The following CSMD1 variants were observed in gnomAD, a reference collection of about 807,000 sequenced individuals.
CSMD1 encodes CUB and sushi domain-containing protein 1.
In CSMD1, 213 loss-of-function variants were observed where a neutral mutation model predicts 417.5. That is an observed-to-expected ratio of 0.51 (90% CI 0.46 to 0.57). CSMD1 has a LOEUF of 0.57. Among genes scored for constraint, CSMD1 ranks in the 20% least tolerant of loss-of-function variants. CSMD1 has a pLI of 0.00. For missense variants in CSMD1, 6,923 were observed against 4,529.7 expected (o/e 1.53, Z -15.17); for synonymous variants, 2,862 against 1,736.8 (o/e 1.65, Z -16.11).
At chr8:3,969,212 T>G (rs1173404588) in intron 5 of CSMD1, among the ~76,000 whole-genome samples, 1 of 152,160 alleles carries the variant, frequency 6.6e-6, no homozygotes, top group Non-Finnish European at 1.5e-5. Context: ...ATCGTGACAC[T>G]GCACTCCAGC....
At chr8:4,973,998 G>C (rs1810399145) in intron 1 of CSMD1, among the ~76,000 whole-genome samples, 1 of 152,044 alleles carries the variant, frequency 6.6e-6, no homozygotes, top group South Asian at 2.1e-4. Context: ...GAAAGTTTTA[G>C]ATTAGCCTCT....
chr8:4,745,537 T>A (rs944902865), intron 1 of CSMD1, among the ~76,000 whole-genome samples: 19 of 152,218 alleles, frequency 1.2e-4, no homozygotes, highest in African/African-American at 4.6e-4. Context: ...GGCTTTTGTT[T>A]GTTCATCTGA....
intron 4 of CSMD1, among the ~76,000 whole-genome samples, chr8:4,021,760 C>G (rs1390914119): frequency 6.6e-6 from 1 of 152,100 alleles, no homozygotes; most frequent in African/African-American, 2.4e-5. Flanking sequence ...CCCCAATAAT[C>G]TTTATCTTGA....
At chr8:3,573,437 C>A (rs1800023456) in intron 10 of CSMD1, among the ~76,000 whole-genome samples, 1 of 152,142 alleles carries the variant, frequency 6.6e-6, no homozygotes, top group Admixed American at 6.6e-5. Flanking sequence ...CTGAGAAATA[C>A]CAGAATCAAA....
rs993967128 is a variant in CSMD1 at position 4,848,491 on chromosome 8, G to C, written c.85+145841C>G. On this transcript the variant is annotated intron_variant, in intron 1 of 69. Transcript: ENST00000635120. Reference sequence around the variant, plus strand: ...ATGTTGGTGCAAACAAATCTATCGTGCTGCCAGTCATTAAAAGTCTAGCAC... The same window carrying C: ...ATGTTGGTGCAAACAAATCTATCGTCCTGCCAGTCATTAAAAGTCTAGCAC... Among the ~76,000 whole-genome samples, 8 of 152,112 alleles carry C rather than the reference G, an allele frequency of 5.3e-5. No homozygotes were observed. In the East Asian group the frequency reaches 1.5e-3, roughly 29 times the overall value.
chr8:4,639,568 A>C (rs1034368203), intron 1 of CSMD1, among the ~76,000 whole-genome samples: 1 of 152,192 alleles, frequency 6.6e-6, no homozygotes, highest in Non-Finnish European at 1.5e-5. Context: ...CTTTAAATGT[A>C]TTTAAATGTT....
chr8:4,801,935 C>A (rs1041916513), intron 1 of CSMD1, among the ~76,000 whole-genome samples: 2 of 152,164 alleles, frequency 1.3e-5, no homozygotes, highest in Admixed American at 6.5e-5. Context: ...TTCAAGGTAA[C>A]TGGTACATTT....
In CSMD1 at chr8:3,219,443, C is replaced by G; in HGVS notation, c.4485-1G>C. On this transcript the variant is annotated splice_acceptor_variant, in intron 28 of 69. Coordinates refer to ENST00000635120, the MANE Select transcript of CSMD1 (RefSeq NM_033225.6). LOFTEE classifies it high-confidence loss of function. The stretch of plus-strand genomic sequence containing the variant: ...GTCATAGCTGGGCTCCATGTTGAAA[C>G]TAAAGAAAAGAATAGTAATTATGTC... 1 of 1,470,326 alleles carries G rather than the reference C, an allele frequency of 6.8e-7. No individual in the cohort carries two copies. Among genetic ancestry groups the G allele is most frequent in the Non-Finnish European group, 9.0e-7 (1 of 1,109,692 alleles). The allele number at this position is 1,470,326 out of a possible 1,614,324, so 91.1% of individuals were successfully genotyped here.
chr8:3,788,282 A>C (rs2129066244), intron 5 of CSMD1, among the ~76,000 whole-genome samples: 1 of 152,276 alleles, frequency 6.6e-6, no homozygotes, highest in African/African-American at 2.4e-5. Flanking sequence ...TTCTTAAGGA[A>C]CTTTTTCATA....
chr8:3,836,024 G>A (rs575255266), intron 5 of CSMD1, among the ~76,000 whole-genome samples: 2 of 151,916 alleles, frequency 1.3e-5, no homozygotes, highest in East Asian at 3.9e-4. Flanking sequence ...CTCATTTTCT[G>A]TTTCATTAGC....
intron 30 of CSMD1, among the ~76,000 whole-genome samples, chr8:3,206,555 C>G (rs1585653415): frequency 1.8e-5 from 1 of 55,946 alleles, no homozygotes; most frequent in East Asian, 4.8e-4. Flanking sequence ...GAGGTTATGT[C>G]TGTGTGTGTA....
intron 2 of CSMD1, among the ~76,000 whole-genome samples, chr8:4,546,228 C>T (rs545497302): frequency 6.6e-6 from 1 of 152,310 alleles, no homozygotes; most frequent in African/African-American, 2.4e-5. Context: ...GACCACAAGC[C>T]CCTGCTCCCA....
At chr8:4,114,188 G>C (rs1193184868) in intron 3 of CSMD1, among the ~76,000 whole-genome samples, 8 of 152,192 alleles carry the variant, frequency 5.3e-5, no homozygotes, top group Non-Finnish European at 1.2e-4. Flanking sequence ...CCTCTATTAG[G>C]AGCTCATGCA....
intron 1 of CSMD1, among the ~76,000 whole-genome samples, chr8:4,967,466 G>C (rs554505312): frequency 6.6e-6 from 1 of 152,114 alleles, no homozygotes; most frequent in South Asian, 2.1e-4. Flanking sequence ...TATTACCAGT[G>C]AATATATTAG....
Position 4,917,207 on chromosome 8 carries a change from A to G in CSMD1, c.85+77125T>C, listed in dbSNP as rs931033706. Among the ~76,000 whole-genome samples the G allele has an allele frequency of 1.3e-5, 2 of 152,174 alleles. 1 individual carries two copies. The highest frequency in any genetic ancestry group is 1.3e-4 in the Admixed American group (2 of 15,282). On this transcript the variant is annotated intron_variant, in intron 1 of 69. Transcript: ENST00000635120. ...AGAAGTGGGAGGTGCTACACACTTT[A>G]AAATAAGCAGATCTCCTGTGAACTC...
chr8:3,568,830 C>A (rs1334134020), intron 10 of CSMD1, among the ~76,000 whole-genome samples: 1 of 151,950 alleles, frequency 6.6e-6, no homozygotes, highest in African/African-American at 2.4e-5. Flanking sequence ...AATGAAGACC[C>A]TGGGGATAAA....
intron 10 of CSMD1, among the ~76,000 whole-genome samples, chr8:3,562,807 C>T (rs1799526547): frequency 6.6e-6 from 1 of 151,738 alleles, no homozygotes; most frequent in South Asian, 2.1e-4. Flanking sequence ...TCGAGAAAAA[C>T]AACTAAGGCG....
chr8:3,267,203 G>C (rs1007235414), intron 26 of CSMD1, among the ~76,000 whole-genome samples: 1 of 152,116 alleles, frequency 6.6e-6, no homozygotes, highest in African/African-American at 2.4e-5. Flanking sequence ...GAATTCCCAG[G>C]TAACAGGAGT....
intron 3 of CSMD1, among the ~76,000 whole-genome samples, chr8:4,241,174 C>G (rs944125786): frequency 1.3e-5 from 2 of 152,140 alleles, no homozygotes; most frequent in Non-Finnish European, 2.9e-5. Flanking sequence ...CAAATGAAAT[C>G]CTGATCGTGA....
Sources: gnomAD v4.1 joint callset for allele counts (sites outside exome capture counted in the v4.1 genomes callset) on GRCh38, gnomAD v4.1.1 for gene constraint, MANE v1.5 for transcripts, NCBI Gene and HGNC (gene_info 2026-07-23, HGNC 2026-07-21) for gene names.